The following SLC24A2 variants were observed in gnomAD, a reference collection of about 807,000 sequenced individuals.
SLC24A2 encodes sodium/potassium/calcium exchanger 2.
Under a neutral mutation model 62.0 loss-of-function variants are expected in SLC24A2, and 36 were observed. The observed-to-expected ratio is 0.58, with a 90% confidence interval of 0.44 to 0.77. The LOEUF is 0.77. SLC24A2 is among the 30% of genes least tolerant of loss of function. SLC24A2 has a pLI of 0.00. For synonymous variants in SLC24A2, 358 were observed against 294.0 expected, an observed-to-expected ratio of 1.22 and a Z score of -2.23; for missense variants, 846 against 817.9, an observed-to-expected ratio of 1.03 and a Z score of -0.42.
At chr9:19,906,441 T>C in the SLC24A2 span, among the ~76,000 whole-genome samples, 3 of 151,320 alleles carry the variant, frequency 2.0e-5, no homozygotes, top group Admixed American at 1.3e-4. Context: ...AGCAAACACA[T>C]TCAAAAGCTA....
intron 2 of SLC24A2, among the ~76,000 whole-genome samples, chr9:19,771,657 C>A (rs1232781098): frequency 1.3e-5 from 2 of 152,118 alleles, no homozygotes; most frequent in African/African-American, 4.8e-5. Flanking sequence ...TTCCTGAGCC[C>A]CCTGGAAACC....
intron 7 of SLC24A2, among the ~76,000 whole-genome samples, chr9:19,565,008 TA>T (rs1835589030): frequency 6.6e-6 from 1 of 152,172 alleles, no homozygotes; most frequent in Non-Finnish European, 1.5e-5. Context: ...CAAACCTGGC[TA>T]AATTCTCAAC....
At chr9:19,545,465 C>T (rs1419448627) in intron 8 of SLC24A2, among the ~76,000 whole-genome samples, 6 of 151,804 alleles carry the variant, frequency 4.0e-5, no homozygotes, top group East Asian at 3.9e-4. Flanking sequence ...CATTTTTGTT[C>T]CATTGCTGGT....
At chr9:20,046,027 C>T in the SLC24A2 span, among the ~76,000 whole-genome samples, 768 of 152,274 alleles carry the variant, frequency 5.0e-3, 6 homozygotes, top group African/African-American at 0.017. Flanking sequence ...TGGCCAGGCT[C>T]CTAGCTGCTC....
intron 7 of SLC24A2, among the ~76,000 whole-genome samples, chr9:19,565,816 C>T (rs943535983): frequency 2.0e-5 from 3 of 152,126 alleles, no homozygotes; most frequent in African/African-American, 7.3e-5. Context: ...TACCACACAT[C>T]TATAACCATC....
chr9:20,091,363 G>C, the SLC24A2 span, among the ~76,000 whole-genome samples: 1 of 152,040 alleles, frequency 6.6e-6, no homozygotes, highest in African/African-American at 2.4e-5. Context: ...GGAACCCCTT[G>C]CAAGATTCTA....
chr9:20,011,309 G>C, the SLC24A2 span, among the ~76,000 whole-genome samples: 1 of 151,862 alleles, frequency 6.6e-6, no homozygotes, highest in Non-Finnish European at 1.5e-5. Context: ...ATTCTAACTG[G>C]TGTGAGATGG....
chr9:19,611,225 A>C (rs1336775643), intron 4 of SLC24A2, among the ~76,000 whole-genome samples: 2 of 151,862 alleles, frequency 1.3e-5, no homozygotes, highest in Admixed American at 1.3e-4. Flanking sequence ...TGGGATTTGG[A>C]AGGAGCTGCT....
At chr9:20,038,256 T>C in the SLC24A2 span, among the ~76,000 whole-genome samples, 1 of 152,352 alleles carries the variant, frequency 6.6e-6, no homozygotes, top group Admixed American at 6.5e-5. Context: ...TCAATTTCTT[T>C]GTCTGTTAAG....
chr9:19,535,340 G>GAAA (rs1833907927), intron 8 of SLC24A2, among the ~76,000 whole-genome samples: 1 of 152,170 alleles, frequency 6.6e-6, no homozygotes. Context: ...TTGCTGTGCA[G>GAAA]AAGCTCTTTA....
the SLC24A2 span, among the ~76,000 whole-genome samples, chr9:20,033,242 A>G: frequency 4.1e-4 from 63 of 152,304 alleles, no homozygotes; most frequent in South Asian, 0.012. Flanking sequence ...GAATAACAGC[A>G]TTAGATTCAG....
the SLC24A2 span, among the ~76,000 whole-genome samples, chr9:19,809,982 C>G: frequency 2.0e-5 from 3 of 152,142 alleles, no homozygotes; most frequent in Non-Finnish European, 4.4e-5. Context: ...GTATATACCC[C>G]AGACAACGCA....
the SLC24A2 span, among the ~76,000 whole-genome samples, chr9:20,019,691 A>G: frequency 6.6e-6 from 1 of 152,172 alleles, no homozygotes; most frequent in East Asian, 1.9e-4. Context: ...ACACCGAAAG[A>G]AATGGCAACA....
intron 2 of SLC24A2, among the ~76,000 whole-genome samples, chr9:19,765,761 A>T (rs183804849): frequency 6.6e-6 from 1 of 151,990 alleles, no homozygotes; most frequent in Admixed American, 6.5e-5. Flanking sequence ...GGTGAATCTG[A>T]CATTTATGTG....
At chr9:19,589,561 T>C (rs1401543980) in intron 5 of SLC24A2, among the ~76,000 whole-genome samples, 1 of 152,248 alleles carries the variant, frequency 6.6e-6, no homozygotes, top group Non-Finnish European at 1.5e-5. Flanking sequence ...CGTTTGGATT[T>C]GTAACCAAAA....
At chr9:20,157,698 G>A in the SLC24A2 span, among the ~76,000 whole-genome samples, 1 of 151,488 alleles carries the variant, frequency 6.6e-6, no homozygotes, top group African/African-American at 2.4e-5. Context: ...AGAAAATACA[G>A]TATTGGAGAT....
At chr9:20,292,790 AC>A in the SLC24A2 span, among the ~76,000 whole-genome samples, 2 of 152,122 alleles carry the variant, frequency 1.3e-5, no homozygotes, top group African/African-American at 4.8e-5. Flanking sequence ...GGGTCTCCCC[AC>A]CTTGCCCAGG....
chr9:19,821,690 T>C, the SLC24A2 span, among the ~76,000 whole-genome samples: 1 of 152,148 alleles, frequency 6.6e-6, no homozygotes, highest in Non-Finnish European at 1.5e-5. Flanking sequence ...AATTTTCTAA[T>C]AAGATTTAAG....
At chr9:20,158,609 G>A in the SLC24A2 span, among the ~76,000 whole-genome samples, 1 of 151,530 alleles carries the variant, frequency 6.6e-6, no homozygotes, top group Admixed American at 6.6e-5. Flanking sequence ...TTACTCAGTC[G>A]ATGGCATTTT....
Sources: allele counts gnomAD v4.1 joint callset (sites outside exome capture counted in the v4.1 genomes callset), GRCh38; gene constraint gnomAD v4.1.1; transcripts MANE v1.5; gene names NCBI Gene and HGNC (gene_info 2026-07-23, HGNC 2026-07-21).